TACR2: variants seen among roughly 807,000 people sequenced by gnomAD.
TACR2 encodes the protein substance-K receptor.
TACR2 carries 24 observed loss-of-function variants against 28.9 expected under a neutral mutation model. The ratio of observed to expected loss-of-function variants is 0.83; its 90% confidence interval spans 0.60 to 1.17. TACR2 has a LOEUF of 1.17. Ranked by LOEUF, TACR2 falls within the 50% of genes most tolerant of loss-of-function variation. The pLI is 0.00. For missense variants in TACR2, 487 were observed against 524.4 expected, an observed-to-expected ratio of 0.93 and a Z score of 0.70; for synonymous variants, 222 against 212.6, an observed-to-expected ratio of 1.04 and a Z score of -0.38.
In TACR2 at chr10:69,412,828, C is replaced by T. The variant is rs930926370; in HGVS notation, c.587+2117G>A. Among the ~76,000 whole-genome samples the T allele has an allele frequency of 9.9e-5, 15 of 152,178 alleles. No individual in the cohort carries two copies. The South Asian group carries it at 1.0e-3, about 11-fold the overall frequency. ...GGCAGAGGGGAAGAGTTCCAGGGAC[C>T]GCCTTTGTTTGTTTTGTTTTGAGAC... On this transcript the variant is annotated intron_variant, in intron 2 of 4. Coordinates refer to ENST00000373306, the MANE Select transcript of TACR2 (RefSeq NM_001057.3).
intron 2 of TACR2, 94 bp downstream of exon 2, chr10:69,414,851 G>T: frequency 7.3e-7 from 1 of 1,374,092 alleles, no homozygotes; most frequent in Non-Finnish European, 1.0e-6. Flanking sequence ...CACCACACAT[G>T]CATGGACATG....
chr10:69,415,110 G>T lies in TACR2; in HGVS notation c.422C>A (p.Pro141His). Residue 141 changes from proline (P) to histidine (H), a missense_variant, in exon 2 of 5, where the codon CCT (proline) becomes CAT (histidine). Coordinates refer to ENST00000373306, the MANE Select transcript of TACR2 (RefSeq NM_001057.3). ...RYMAIVHPFQ[P>H]RLSAPSTKAV... ...CTTGGTGCTGGGAGCTGAAAGCCGA[G>T]GCTGGAAGGGGTGGACGATGGCCAT... 6.2e-7 allele frequency: 1 copy of T among 1,612,564 alleles called. No individual in the cohort carries two copies. The highest frequency in any genetic ancestry group is 8.5e-7 in the Non-Finnish European group (1 of 1,179,976).
chr10:69,411,257 A>G (rs1840567187), intron 2 of TACR2, among the ~76,000 whole-genome samples: 1 of 152,204 alleles, frequency 6.6e-6, no homozygotes, highest in Non-Finnish European at 1.5e-5. Flanking sequence ...CCACCTTTGC[A>G]AAAATAACGA....
At chr10:69,410,078 C>T (rs1216489641) in intron 2 of TACR2, among the ~76,000 whole-genome samples, 1 of 151,834 alleles carries the variant, frequency 6.6e-6, no homozygotes, top group Admixed American at 6.6e-5. Context: ...TATGGTTTAT[C>T]AGCATTTGGC....
chr10:69,412,246 C>G (rs1377355931), intron 2 of TACR2, among the ~76,000 whole-genome samples: 1 of 152,242 alleles, frequency 6.6e-6, no homozygotes, highest in African/African-American at 2.4e-5. Context: ...GGTGAACCCA[C>G]TGGGTGATTA....
chr10:69,404,665 C>T lies in TACR2; in HGVS notation c.*161G>A. 1 of 462,808 alleles carries T rather than the reference C, an allele frequency of 2.2e-6. No individual in the cohort carries two copies. Among genetic ancestry groups the T allele is most frequent in the Non-Finnish European group, 3.8e-6 (1 of 263,854 alleles). 28.7% of individuals were successfully genotyped at this position (462,808 alleles called of 1,614,324 possible). ...AAGCAAGACAGGGAAACTGAGGACA[C>T]CACACTCTTTCTAACAACTTGTTAT... On this transcript the variant is annotated 3_prime_UTR_variant, in exon 5 of 5. Coordinates refer to ENST00000373306, the MANE Select transcript of TACR2 (RefSeq NM_001057.3).
In TACR2 at chr10:69,409,068, G is replaced by C. The variant is rs777490064; in HGVS notation, c.595C>G (p.Leu199Val). The change falls in exon 3 of 5, where the codon CTC (leucine) becomes GTC (valine). Residue 199 changes from leucine (L) to valine (V), a missense_variant. By Grantham distance (32) the Leu-to-Val change is conservative. Coordinates refer to ENST00000373306, the MANE Select transcript of TACR2 (RefSeq NM_001057.3). ...AAGTAGATGAGGGCGATCACCACGAGGTGGTACCTGCAGGGAGAGCCGAGG... is the reference window on the plus strand; with the variant it reads ...AAGTAGATGAGGGCGATCACCACGACGTGGTACCTGCAGGGAGAGCCGAGG... ...SGGKTLLLYH[L>V]VVIALIYFLP... is the part of the protein sequence containing the mutation. 1.2e-5 allele frequency: 19 copies of C among 1,602,698 alleles called. No individual in the cohort carries two copies. The South Asian group carries it at 2.1e-4, about 18-fold the overall frequency.
intron 2 of TACR2, 61 bp downstream of exon 2, chr10:69,414,884 C>A (rs1840598456): frequency 3.4e-6 from 5 of 1,487,162 alleles, no homozygotes; most frequent in Non-Finnish European, 4.6e-6. Context: ...CGTGTGTACA[C>A]ACACACACAC....
rs895998918 is a variant in TACR2, at chr10:69,409,212, G to A, written c.588-137C>T. The A allele has an allele frequency of 9.4e-6, 9 of 957,420 alleles. No individual in the cohort carries two copies. The South Asian group carries it at 1.2e-4, about 13-fold the overall frequency. 59.3% of individuals were successfully genotyped at this position (957,420 alleles called of 1,614,324 possible). On this transcript the variant is annotated intron_variant, in intron 2 of 4. Transcript: ENST00000373306. ...ACCCTGGGCGCCTCCCAGGGACTTG[G>A]TTTGATTTAAACAAAAATAAAGGTG...
chr10:69,404,148 G>A lies in TACR2; in HGVS notation c.*678C>T, dbSNP rs941229764. The A allele has an allele frequency of 2.6e-5, 4 of 152,200 alleles. No individual in the cohort carries two copies. The highest frequency in any genetic ancestry group is 2.6e-4 in the Admixed American group (4 of 15,272). The allele number at this position is 152,200 out of a possible 1,614,324, so 9.4% of individuals were successfully genotyped here. A position where few individuals can be genotyped will look rare whatever the true frequency, so the allele number is the denominator to read the frequency against. ...TTTATACATATTCTTGTATGCCCCA[G>A]GAAGGCATTTGAGCTTGCATCTCTT... On this transcript the variant is annotated 3_prime_UTR_variant, in exon 5 of 5. Transcript: ENST00000373306.
chr10:69,413,566 G>T (rs1463846254), intron 2 of TACR2, among the ~76,000 whole-genome samples: 1 of 152,238 alleles, frequency 6.6e-6, no homozygotes, highest in East Asian at 1.9e-4. Context: ...GAGACCCTGG[G>T]CAGGGCCTGC....
Position 69,416,267 on chromosome 10 carries a change from G to T in TACR2, c.57C>A (p.Asn19Lys). The change falls in exon 1 of 5, where the codon AAC becomes AAA. Residue 19 changes from asparagine to lysine, a missense_variant. Transcript: ENST00000373306. ...EANISSGPES[N>K]TTGITAFSMP... Reference sequence around the variant, plus strand: ...TGGAGAAGGCTGTGATGCCCGTGGTGTTGCTCTCAGGGCCAGATGAGATAT... The same window carrying T: ...TGGAGAAGGCTGTGATGCCCGTGGTTTTGCTCTCAGGGCCAGATGAGATAT... 1 of 1,612,474 alleles carries T rather than the reference G, an allele frequency of 6.2e-7. No individual in the cohort carries two copies. The highest frequency in any genetic ancestry group is 8.5e-7 in the Non-Finnish European group (1 of 1,178,834).
chr10:69,409,840 C>T (rs998438364), intron 2 of TACR2, among the ~76,000 whole-genome samples: 29 of 126,316 alleles, frequency 2.3e-4, no homozygotes, highest in African/African-American at 6.0e-4. Flanking sequence ...TATATGTATA[C>T]GTATACGTAT....
chr10:69,416,483 TC>T lies in TACR2; in HGVS notation c.-161del. On this transcript the variant is annotated 5_prime_UTR_variant, in exon 1 of 5. Transcript: ENST00000373306. The stretch of plus-strand genomic sequence containing the variant: ...AGGAGAGCCTGGGGCCACTCCTAGG[TC>T]TCAGGCAAAGATGAGCTGGGCTGAG... 1 of 952,532 alleles carries T rather than the reference TC, an allele frequency of 1.0e-6. No homozygotes were observed. Among genetic ancestry groups the T allele is most frequent in the Non-Finnish European group, 1.5e-6 (1 of 661,632 alleles). The allele number at this position is 952,532 out of a possible 1,614,324, so 59.0% of individuals were successfully genotyped here.
At position 69,409,039 on chromosome 10, in the gene TACR2, C is replaced by A; in HGVS notation, c.624G>T (p.Leu208=). The change falls in exon 3 of 5, where the codon CTG becomes CTT. Residue 208 remains leucine, a synonymous_variant. Transcript: ENST00000373306. ...AGGCTACAAACATCACCGCGAGCGG[C>A]AGGAAGTAGATGAGGGCGATCACCA... is the stretch of plus-strand genomic sequence containing the variant. ...HLVVIALIYF[L]PLAVMFVAYS... 6.2e-7 allele frequency: 1 copy of A among 1,606,864 alleles called. No homozygotes were observed. The highest frequency in any genetic ancestry group is 8.5e-7 in the Non-Finnish European group (1 of 1,178,134).
chr10:69,407,161 T>G lies in TACR2; in HGVS notation c.861A>C (p.Gln287His), dbSNP rs1840509145. The change falls in exon 4 of 5, where the codon CAA becomes CAC. Residue 287 changes from glutamine (Q) to histidine (H), a missense_variant. Coordinates refer to ENST00000373306, the MANE Select transcript of TACR2 (RefSeq NM_001057.3). ...EDIYCHKFIQQVYLALFWLAM... is the reference protein window; with the variant it reads ...EDIYCHKFIQHVYLALFWLAM... ...CCAACCAGAAGAGTGCCAGGTAGAC[T>G]TGCTGGATGAACTTGTGGCAGTAGA... The G allele has an allele frequency of 1.2e-6, 2 of 1,614,012 alleles. No homozygotes were observed. The highest frequency in any genetic ancestry group is 1.7e-6 in the Non-Finnish European group (2 of 1,179,958).
At chr10:69,413,833 C>T (rs1840588386) in intron 2 of TACR2, among the ~76,000 whole-genome samples, 2 of 152,310 alleles carry the variant, frequency 1.3e-5, no homozygotes, top group South Asian at 4.1e-4. Flanking sequence ...TCATGTGTCC[C>T]CTATTTAAGC....
intron 4 of TACR2, among the ~76,000 whole-genome samples, chr10:69,406,227 T>G (rs1301021860): frequency 1.3e-5 from 2 of 152,212 alleles, no homozygotes; most frequent in Non-Finnish European, 2.9e-5. Flanking sequence ...CATCATTGTC[T>G]CACTGAGGTG....
intron 3 of TACR2, 27 bp downstream of exon 3, chr10:69,408,895 C>T: frequency 3.6e-6 from 1 of 279,182 alleles, no homozygotes; most frequent in Non-Finnish European, 4.4e-6. Flanking sequence ...GGCCCCGCCC[C>T]CTCCAGGCCC....
Sources: gnomAD v4.1 joint callset for allele counts (sites outside exome capture counted in the v4.1 genomes callset) on GRCh38, gnomAD v4.1.1 for gene constraint, MANE v1.5 for transcripts, NCBI Gene and HGNC (gene_info 2026-07-23, HGNC 2026-07-21) for gene names.